The following HPS4 variants were observed in gnomAD, a reference collection of about 807,000 sequenced individuals.
HPS4 encodes HPS4 biogenesis of lysosomal organelles complex 3 subunit 2.
Under a neutral mutation model 70.3 loss-of-function variants are expected in HPS4, and 44 were observed. That is an observed-to-expected ratio of 0.63 (90% CI 0.49 to 0.80). The LOEUF is 0.80. Ranked by LOEUF, HPS4 falls within the 30% of genes least tolerant of loss-of-function variation. The probability of loss-of-function intolerance (pLI) is 0.00; values close to 1 mark genes in which losing one functional copy is unlikely to be tolerated. For missense variants in HPS4, 873 were observed against 884.4 expected (o/e 0.99, Z 0.16); for synonymous variants, 377 against 355.9 (o/e 1.06, Z -0.67).
At chr22:26,445,432 G>A (rs777477589) in intron 3 of HPS4, among the ~76,000 whole-genome samples, 3 of 152,186 alleles carry the variant, frequency 2.0e-5, no homozygotes, top group Non-Finnish European at 4.4e-5. Context: ...AATTGATCGT[G>A]GATAGTGAAT....
chr22:26,458,001 G>A (rs1361440930), intron 12 of HPS4, 34 bp from the exon 13 acceptor site: 11 of 1,536,234 alleles, frequency 7.2e-6, no homozygotes, highest in Non-Finnish European at 7.2e-6. Context: ...GTGAAGAGCA[G>A]ACAGTTACCT....
chr22:26,457,768 C>T, intron 13 of HPS4, 91 bp downstream of exon 13: 2 of 907,902 alleles, frequency 2.2e-6, no homozygotes, highest in Non-Finnish European at 3.6e-6. Flanking sequence ...TTTTCATCTA[C>T]TTAGGAATAA....
chr22:26,483,021 C>A (rs2091447112), intron 1 of HPS4: 1 of 152,260 alleles, frequency 6.6e-6, no homozygotes, highest in Non-Finnish European at 1.5e-5. Flanking sequence ...ATTCTGCAAT[C>A]TGTGGGTACA....
chr22:26,469,181 T>G (rs2089302491), intron 7 of HPS4, among the ~76,000 whole-genome samples: 1 of 151,384 alleles, frequency 6.6e-6, no homozygotes, highest in Admixed American at 6.6e-5. Context: ...GCACAGTGGC[T>G]TACTCCTGCA....
At chr22:26,446,037 T>C (rs1487900835), downstream of HPS4, among the ~76,000 whole-genome samples, 2 of 152,094 alleles carry the variant, frequency 1.3e-5, no homozygotes, top group African/African-American at 2.4e-5. Context: ...GCCACTCACC[T>C]GGGATCGCGA....
At chr22:26,458,132 G>C (rs1337204720) in intron 12 of HPS4, among the ~76,000 whole-genome samples, 165 bp from the exon 13 acceptor site, 1 of 152,272 alleles carries the variant, frequency 6.6e-6, no homozygotes, top group Non-Finnish European at 1.5e-5. Context: ...GGCTGCCGCC[G>C]CTGTGCGATG....
chr22:26,479,605 T>A, intron 2 of HPS4: 1 of 1,337,258 alleles, frequency 7.5e-7, no homozygotes, highest in Non-Finnish European at 9.6e-7. Context: ...CACGAGTAGC[T>A]AGAAAAAAAA....
At chr22:26,474,719 G>T (rs1185448148) in intron 4 of HPS4, among the ~76,000 whole-genome samples, 1 of 151,796 alleles carries the variant, frequency 6.6e-6, no homozygotes, top group Non-Finnish European at 1.5e-5. Context: ...GATATAAAAA[G>T]AACTACAATT....
At chr22:26,448,231 G>C (rs1304582592), downstream of HPS4, among the ~76,000 whole-genome samples, 2 of 152,138 alleles carry the variant, frequency 1.3e-5, no homozygotes, top group African/African-American at 2.4e-5. Flanking sequence ...CACTCAACAG[G>C]ACCCTCCATT....
chr22:26,457,210 C>CCTTT (rs386395106), intron 13 of HPS4, among the ~76,000 whole-genome samples: 359 of 25,564 alleles, frequency 0.014, 115 homozygotes, highest in Non-Finnish European at 0.016. Context: ...GCACGTATTA[C>CCTTT]TTTTTTTTTT....
chr22:26,465,384 G>A, intron 10 of HPS4, 71 bp downstream of exon 10: 2 of 1,113,352 alleles, frequency 1.8e-6, no homozygotes, highest in East Asian at 2.3e-5. Context: ...TCAGAGGTTT[G>A]TTTTTTAACC....
In HPS4 at chr22:26,470,628, A is replaced by C. The variant is rs1323625238; in HGVS notation, c.596+91T>G. 3.1e-6 allele frequency: 4 copies of C among 1,290,116 alleles called. No homozygotes were observed. In the African/African-American group the frequency reaches 5.8e-5, roughly 19 times the overall value. The allele number at this position is 1,290,116 out of a possible 1,614,324, so 79.9% of individuals were successfully genotyped here. A position where few individuals can be genotyped will look rare whatever the true frequency, so the allele number is the denominator to read the frequency against. ...CCAGCCCACTTGGAACTGGCCAGAG[A>C]CTGGGCTCCCCACTGTGATCTGGAG... On this transcript the variant is annotated intron_variant, in intron 7 of 13. Transcript: ENST00000398145.
chr22:26,476,941 T>G, intron 4 of HPS4, 52 bp downstream of exon 4: 9 of 1,596,482 alleles, frequency 5.6e-6, no homozygotes, highest in Non-Finnish European at 7.7e-6. Context: ...CAACATAACT[T>G]CCTAAACTTA....
In HPS4 at chr22:26,477,098, A is replaced by C. The variant is rs2090651282; in HGVS notation, c.171T>G (p.Ile57Met). The change falls in exon 4 of 14, where the codon ATT becomes ATG. Residue 57 changes from isoleucine to methionine, a missense_variant. Ile to Met is a conservative substitution (Grantham distance 10, BLOSUM62 1). Transcript: ENST00000398145. ...LDQQELLCGQ[I>M]AGVVRCVSDI... ...CAGAAACACAGCGGACAACTCCAGC[A>C]ATCTGTCCACAAAGCAACTCCTGTT... 1.9e-6 allele frequency: 3 copies of C among 1,614,162 alleles called. No individual in the cohort carries two copies. Among genetic ancestry groups the C allele is most frequent in the Non-Finnish European group, 2.5e-6 (3 of 1,179,990 alleles).
rs1231139368 is a variant in HPS4 at position 26,482,582 on chromosome 22, G to GA, written c.-478-343dup. ...AGTCCAAAAGTAACCTGAACATGCA[G>GA]AATTCCAGAGCAGGGCAAATTTCTA... On this transcript the variant is annotated intron_variant, in intron 1 of 13. Coordinates refer to ENST00000398145, the MANE Select transcript of HPS4 (RefSeq NM_022081.6). Among the ~76,000 whole-genome samples, 3 of 152,308 alleles carry GA rather than the reference G, an allele frequency of 2.0e-5. No individual in the cohort carries two copies. In the East Asian group the frequency reaches 5.8e-4, roughly 29 times the overall value.
chr22:26,444,503 G>GA (rs2084892851), exon 4 of HPS4: 1 of 152,228 alleles, frequency 6.6e-6, no homozygotes, highest in Non-Finnish European at 1.5e-5. Flanking sequence ...ACTCACTCTA[G>GA]AAATAGCCTG....
At chr22:26,475,972 G>C (rs1272778606) in intron 4 of HPS4, 1 of 152,156 alleles carries the variant, frequency 6.6e-6, no homozygotes, top group African/African-American at 2.4e-5. Context: ...GAGCCTGGGA[G>C]GCGGAGGTTG....
Position 26,472,438 on chromosome 22 carries a change from AG to A in HPS4, c.385-21del. The A allele has an allele frequency of 4.2e-6, 6 of 1,439,740 alleles. No individual in the cohort carries two copies. The highest frequency in any genetic ancestry group is 5.9e-6 in the Non-Finnish European group (6 of 1,020,908). The allele number at this position is 1,439,740 out of a possible 1,614,324, so 89.2% of individuals were successfully genotyped here. ...ACAGTTCTAAAACAGAAAGAGCCTC[AG>A]GTCAATATCTGAGATTTTGAGGGAC... is the stretch of plus-strand genomic sequence containing the variant. On this transcript the variant is annotated intron_variant, in intron 5 of 13. Coordinates refer to ENST00000398145, the MANE Select transcript of HPS4 (RefSeq NM_022081.6).
At chr22:26,455,175 G>A (rs1359258452) in intron 13 of HPS4, among the ~76,000 whole-genome samples, 2,162 of 151,158 alleles carry the variant, frequency 0.014, 52 homozygotes, top group African/African-American at 0.049. Flanking sequence ...TCAGTGTGGC[G>A]ATTCCTCAGG....
Sources: gnomAD v4.1 joint callset for allele counts (sites outside exome capture counted in the v4.1 genomes callset) on GRCh38, gnomAD v4.1.1 for gene constraint, MANE v1.5 for transcripts, NCBI Gene and HGNC (gene_info 2026-07-23, HGNC 2026-07-21) for gene names.